Variants in TMEM132D observed in about 807,000 individuals in gnomAD.
The protein encoded by TMEM132D is mature OL transmembrane protein.
Under a neutral mutation model 62.3 loss-of-function variants are expected in TMEM132D, and 21 were observed. The observed-to-expected ratio is 0.34, with a 90% CI of 0.24 to 0.49. The LOEUF (loss-of-function observed/expected upper bound fraction) is 0.49. Among genes scored for constraint, TMEM132D ranks in the 20% least tolerant of loss-of-function variants. The pLI is 0.99. For synonymous variants in TMEM132D, 621 were observed against 575.6 expected, an observed-to-expected ratio of 1.08 and a Z score of -1.13; for missense variants, 1,346 against 1,402.8, an observed-to-expected ratio of 0.96 and a Z score of 0.65.
At chr12:129,099,096 G>A (rs574009052) in intron 5 of TMEM132D, among the ~76,000 whole-genome samples, 1 of 152,294 alleles carries the variant, frequency 6.6e-6, no homozygotes, top group East Asian at 1.9e-4. Flanking sequence ...AGCATTTCCT[G>A]CTGTGCAGGC....
At chr12:129,541,823 A>T (rs1876592250) in intron 2 of TMEM132D, among the ~76,000 whole-genome samples, 1 of 152,160 alleles carries the variant, frequency 6.6e-6, no homozygotes, top group Admixed American at 6.6e-5. Context: ...AATTTTAGCT[A>T]TGATGATGAT....
chr12:129,626,687 C>T (rs1312073053), intron 2 of TMEM132D, among the ~76,000 whole-genome samples: 4 of 152,178 alleles, frequency 2.6e-5, no homozygotes, highest in Non-Finnish European at 5.9e-5. Context: ...AACTCCTGCC[C>T]TCAAGTGATC....
chr12:129,391,747 G>T (rs1871295224), intron 3 of TMEM132D, among the ~76,000 whole-genome samples: 1 of 152,080 alleles, frequency 6.6e-6, no homozygotes, highest in Non-Finnish European at 1.5e-5. Flanking sequence ...TAGAGCCCTG[G>T]CATCAGTATT....
chr12:129,245,253 A>G (rs1343513571), intron 4 of TMEM132D, among the ~76,000 whole-genome samples: 2 of 152,156 alleles, frequency 1.3e-5, no homozygotes, highest in Admixed American at 1.3e-4. Flanking sequence ...CGATGTTTTC[A>G]TTATCTCCAC....
chr12:129,592,142 C>T (rs1422613796), intron 2 of TMEM132D, among the ~76,000 whole-genome samples: 1 of 152,028 alleles, frequency 6.6e-6, no homozygotes, highest in African/African-American at 2.4e-5. Context: ...TGTCTTAATT[C>T]GTGTAACACT....
At chr12:129,861,190 T>C (rs1873885854) in intron 1 of TMEM132D, among the ~76,000 whole-genome samples, 1 of 152,222 alleles carries the variant, frequency 6.6e-6, no homozygotes, top group African/African-American at 2.4e-5. Context: ...GAAACCACTT[T>C]TGCAAACATT....
chr12:129,866,554 G>A (rs1376570427), intron 1 of TMEM132D, among the ~76,000 whole-genome samples: 3 of 151,258 alleles, frequency 2.0e-5, no homozygotes, highest in East Asian at 1.9e-4. Context: ...TAACAAACCC[G>A]CATGTTGTGC....
intron 5 of TMEM132D, among the ~76,000 whole-genome samples, chr12:129,176,244 G>A (rs765584154): frequency 7.2e-5 from 11 of 152,172 alleles, no homozygotes; most frequent in Non-Finnish European, 1.6e-4. Context: ...TATGAGTGGT[G>A]GCAAAATCTC....
rs1163944756 is a variant in TMEM132D at position 129,081,935 on chromosome 12, A to C, written c.1747T>G (p.Phe583Val). 5.0e-6 allele frequency: 8 copies of C among 1,613,966 alleles called. No homozygotes were observed. Among genetic ancestry groups the C allele is most frequent in the Non-Finnish European group, 5.9e-6 (7 of 1,180,024 alleles). The stretch of plus-strand genomic sequence containing the variant: ...CCAGGGCCGGCCGCCTCAGCCACAA[A>C]CTGCGTCAGGACCCGCACCATGGCG... ...QHAMVRVLTQFVAEAAGPGGH... is the reference protein window; with the variant it reads ...QHAMVRVLTQVVAEAAGPGGH... The change falls in exon 7 of 9, where the codon TTT becomes GTT. Residue 583 changes from phenylalanine (F) to valine (V), a missense_variant. Phe to Val is a conservative substitution (Grantham distance 50, BLOSUM62 -1). Coordinates refer to ENST00000422113, the MANE Select transcript of TMEM132D (RefSeq NM_133448.3).
intron 4 of TMEM132D, among the ~76,000 whole-genome samples, chr12:129,218,406 G>A (rs6486441): frequency 0.35 from 53,448 of 151,964 alleles, 9,800 homozygotes; most frequent in African/African-American, 0.43. Flanking sequence ...CTGGCCATAC[G>A]GCATAGCCTA....
chr12:129,903,454 AG>A lies in TMEM132D; in HGVS notation c.-116del. On this transcript the variant is annotated 5_prime_UTR_variant, in exon 1 of 9. The change abolishes the stop of an existing upstream ORF in the 5' untranslated region. Coordinates refer to ENST00000422113, the MANE Select transcript of TMEM132D (RefSeq NM_133448.3). This position sits in a 1 kb window ranked among gnomAD's most constrained non-coding sequence, Gnocchi z 6.2. ...GCCGGTGGCGAGGGAGCGCCCGGCT[AG>A]GGGCCCGAGCAGCCCGGGCGCCCTG... is the stretch of plus-strand genomic sequence containing the variant. 8.7e-7 allele frequency: 1 copy of A among 1,152,992 alleles called. No homozygotes were observed. The highest frequency in any genetic ancestry group is 1.2e-6 in the Non-Finnish European group (1 of 804,738). The allele number at this position is 1,152,992 out of a possible 1,614,324, so 71.4% of individuals were successfully genotyped here.
In TMEM132D at chr12:129,215,813, G is replaced by A. The variant is rs1879184828; in HGVS notation, c.1300-6150C>T. On this transcript the variant is annotated intron_variant, in intron 4 of 8. Transcript: ENST00000422113. ...GGAGGCCTCACAGTCATGGCGGAAGGTGAGGGAAGAACAAAGGCATGTCTT... is the reference window on the plus strand; with the variant it reads ...GGAGGCCTCACAGTCATGGCGGAAGATGAGGGAAGAACAAAGGCATGTCTT... Among the ~76,000 whole-genome samples, 3 of 152,198 alleles carry A rather than the reference G, an allele frequency of 2.0e-5. No homozygotes were observed. In the South Asian group the frequency reaches 6.2e-4, roughly 32 times the overall value.
intron 1 of TMEM132D, among the ~76,000 whole-genome samples, chr12:129,737,344 A>G (rs1000251779): frequency 7.9e-5 from 12 of 152,148 alleles, no homozygotes; most frequent in Non-Finnish European, 1.3e-4. Context: ...GGCCCTCCCA[A>G]TGCTTAATCA....
In TMEM132D at chr12:129,663,138, CT is replaced by C. The variant is rs1157754703; in HGVS notation, c.968+36671del. On this transcript the variant is annotated intron_variant, in intron 2 of 8. Transcript: ENST00000422113. ...AAGGCATAGCCCAGCAACGTCTGCC[CT>C]TTTTTTTTTTTCCTTTTGAGATGGA... is the stretch of plus-strand genomic sequence containing the variant. Among the ~76,000 whole-genome samples, 219 of 145,342 alleles carry C rather than the reference CT, an allele frequency of 1.5e-3. 1 individual carries two copies. The highest frequency in any genetic ancestry group is 3.6e-3 in the Middle Eastern group (1 of 276).
At chr12:129,567,569 A>G (rs936399812) in intron 2 of TMEM132D, among the ~76,000 whole-genome samples, 1 of 152,242 alleles carries the variant, frequency 6.6e-6, no homozygotes, top group African/African-American at 2.4e-5. Flanking sequence ...GAGTGGATGC[A>G]AAAGCAGATA....
At chr12:129,801,318 G>GT (rs1258383756) in intron 1 of TMEM132D, among the ~76,000 whole-genome samples, 2 of 149,338 alleles carry the variant, frequency 1.3e-5, no homozygotes, top group Non-Finnish European at 3.0e-5. Flanking sequence ...GAGAGCAGTG[G>GT]TTCTCCCAGC....
chr12:129,421,171 C>T (rs376217125), intron 3 of TMEM132D, among the ~76,000 whole-genome samples: 108 of 152,142 alleles, frequency 7.1e-4, no homozygotes, highest in African/African-American at 2.5e-3. Flanking sequence ...CCATGTTGTT[C>T]GGGCTGGTCT....
intron 3 of TMEM132D, among the ~76,000 whole-genome samples, chr12:129,393,507 C>G (rs1300636923): frequency 1.3e-5 from 2 of 152,068 alleles, no homozygotes; most frequent in African/African-American, 4.8e-5. Flanking sequence ...ACACTTAACC[C>G]TCTTCAGTTT....
In TMEM132D at chr12:129,554,899, G is replaced by T. The variant is rs116968527; in HGVS notation, c.969-23694C>A. Among the ~76,000 whole-genome samples, 723 of 152,128 alleles carry T rather than the reference G, an allele frequency of 4.8e-3. 15 individuals are homozygous for T. The South Asian group carries it at 0.056, about 12-fold the overall frequency. On this transcript the variant is annotated intron_variant, in intron 2 of 8. Transcript: ENST00000422113. ...AATGTTTCTGAAATGCTGACGGCCT[G>T]GTCTCCTTTGGTGACTTCTCCCTGT...
Sources: gnomAD v4.1 joint callset for allele counts (sites outside exome capture counted in the v4.1 genomes callset) on GRCh38, gnomAD v4.1.1 for gene constraint, Gnocchi (gnomAD v3.1) non-coding constraint, MANE v1.5 for transcripts, NCBI Gene and HGNC (gene_info 2026-07-23, HGNC 2026-07-21) for gene names.